Variants in LCOR observed in about 807,000 individuals in gnomAD.
The protein encoded by LCOR is ligand dependent nuclear receptor corepressor.
In LCOR, 14 loss-of-function variants were observed where a neutral mutation model predicts 64.4. The ratio of observed to expected loss-of-function variants is 0.22; its 90% CI spans 0.14 to 0.34. LCOR has a LOEUF of 0.34. Ranked by LOEUF, LCOR falls within the 10% of genes least tolerant of loss-of-function variation. The pLI, the probability that LCOR is intolerant of heterozygous loss-of-function variation, is 1.00. For missense variants in LCOR, 1,686 were observed against 1,765.3 expected, an observed-to-expected ratio of 0.96 and a Z score of 0.80; for synonymous variants, 643 against 642.5, an observed-to-expected ratio of 1.00 and a Z score of -0.01.
rs761907103 is a variant in LCOR at position 96,920,751 on chromosome 10, T to TATATGTAC, written c.-184+13005_-184+13006insTATGTACA. Reference sequence around the variant, plus strand: ...GTTCATATATATGTGTATATATGTATACACACACACACACACACACACACA... The same window carrying TATATGTAC: ...GTTCATATATATGTGTATATATGTATATATGTACACACACACACACACACACACACACA... On this transcript the variant is annotated intron_variant, in intron 4 of 7. Transcript: ENST00000421806. 2.0e-3 allele frequency among the ~76,000 whole-genome samples: 232 copies of TATATGTAC among 118,860 alleles called. 14 individuals are homozygous for TATATGTAC. Among genetic ancestry groups the TATATGTAC allele is most frequent in the African/African-American group, 8.1e-3 (208 of 25,590 alleles). 78.0% of individuals were successfully genotyped at this position (118,860 alleles called of 152,430 possible).
In LCOR at chr10:96,981,589, T is replaced by A; in HGVS notation, c.1129T>A (p.Leu377Met). Residue 377 changes from leucine to methionine, a missense_variant, in exon 8 of 8, where the codon TTG (leucine) becomes ATG (methionine). Coordinates refer to ENST00000421806, the MANE Select transcript of LCOR (RefSeq NM_001346516.2). The stretch of plus-strand genomic sequence containing the variant: ...TACTTTACAGTGTCCAAAAACACCT[T>A]TGCGCCAGGATTTAGAGGCAAATGA... ...ENTLQCPKTP[L>M]RQDLEANEQD... The A allele has an allele frequency of 6.2e-7, 1 of 1,614,230 alleles. No individual in the cohort carries two copies.
chr10:96,833,930 A>G (rs1250873687), intron 2 of LCOR, among the ~76,000 whole-genome samples: 1 of 152,118 alleles, frequency 6.6e-6, no homozygotes, highest in Admixed American at 6.5e-5. Flanking sequence ...GGGGGTGTGG[A>G]GAGGCTCAGT....
At chr10:96,957,537 T>G in intron 7 of LCOR, 1 of 985,382 alleles carries the variant, frequency 1.0e-6, no homozygotes, top group South Asian at 4.7e-5. Flanking sequence ...GTCAGGCCCT[T>G]CTAAATGCTT....
chr10:96,914,218 C>T (rs1039764989), intron 4 of LCOR, among the ~76,000 whole-genome samples: 10 of 152,096 alleles, frequency 6.6e-5, no homozygotes, highest in African/African-American at 1.4e-4. Flanking sequence ...TATTTTGAGA[C>T]GGAGCCTCGC....
At chr10:96,851,069 T>C in intron 2 of LCOR, among the ~76,000 whole-genome samples, 1 of 152,244 alleles carries the variant, frequency 6.6e-6, no homozygotes, top group East Asian at 1.9e-4. Flanking sequence ...AAGGAGTGAA[T>C]TTCTTACCAG....
intron 7 of LCOR, among the ~76,000 whole-genome samples, chr10:96,976,311 G>C (rs539475165): frequency 4.4e-4 from 67 of 152,262 alleles, no homozygotes; most frequent in African/African-American, 1.5e-3. Context: ...CCTTAAGGTT[G>C]GTGTAGCCTG....
rs540928773 is a variant in LCOR, at chr10:96,952,105, G to T, written c.241G>T (p.Gly81Cys). The T allele has an allele frequency of 6.2e-7, 1 of 1,611,174 alleles. No homozygotes were observed. The highest frequency in any genetic ancestry group is 1.3e-5 in the African/African-American group (1 of 74,832). Residue 81 changes from glycine (G) to cysteine (C), a missense_variant and splice_region_variant, in exon 7 of 8, where the codon GGT (glycine) becomes TGT (cysteine). Coordinates refer to ENST00000421806, the MANE Select transcript of LCOR (RefSeq NM_001346516.2). ...KSQSEPSEQD[G>C]VLDLSTKKSP... ...GGTGTTTCTTTGTGTCTCTGCAGACGGTGTACTTGATCTGTCCACTAAGAA... is the reference window on the plus strand; with the variant it reads ...GGTGTTTCTTTGTGTCTCTGCAGACTGTGTACTTGATCTGTCCACTAAGAA...
Position 96,983,120 on chromosome 10 carries a change from G to T in LCOR, c.2660G>T (p.Ser887Ile). 6.2e-7 allele frequency: 1 copy of T among 1,613,692 alleles called. No homozygotes were observed. The highest frequency in any genetic ancestry group is 1.1e-5 in the South Asian group (1 of 91,070). The change falls in exon 8 of 8, where the codon AGT becomes ATT. Residue 887 changes from serine to isoleucine, a missense_variant. Around this residue, in one of 3 missense-constraint regions of LCOR, gnomAD observed 1,293 missense variants for 1,410.4 expected, o/e 0.92. Transcript: ENST00000421806. The surrounding 1 kb of genome is among the most constrained non-coding windows in gnomAD (Gnocchi z 4.5). ...ACTCTGGAGGACACAGAAAAGCCAAGTGTCAATGAACGCCCCTCTGAGAAA... is the reference window on the plus strand; with the variant it reads ...ACTCTGGAGGACACAGAAAAGCCAATTGTCAATGAACGCCCCTCTGAGAAA... ...TETLEDTEKP[S>I]VNERPSEKDA...
intron 2 of LCOR, among the ~76,000 whole-genome samples, chr10:96,856,454 A>C (rs1407176382): frequency 3.6e-3 from 323 of 89,002 alleles, no homozygotes; most frequent in Admixed American, 4.7e-3. Context: ...CTTCTACCCT[A>C]CCTCCCCCCT....
At chr10:96,956,902 G>T (rs1369683658) in intron 7 of LCOR, 1 of 985,098 alleles carries the variant, frequency 1.0e-6, no homozygotes, top group Non-Finnish European at 1.2e-6. Flanking sequence ...CTCTTTATTG[G>T]GGATGGGAGA....
At chr10:96,888,032 G>T (rs1179600242) in intron 2 of LCOR, among the ~76,000 whole-genome samples, 2 of 151,242 alleles carry the variant, frequency 1.3e-5, no homozygotes, top group African/African-American at 2.4e-5. Flanking sequence ...GACAAACTGT[G>T]GTTATTCAGA....
intron 4 of LCOR, among the ~76,000 whole-genome samples, chr10:96,912,607 T>TTTCTTCCTTCCTTCCTTC (rs1554836477): frequency 7.1e-6 from 1 of 140,294 alleles, no homozygotes; most frequent in African/African-American, 2.9e-5. Flanking sequence ...TTTCTTCCTT[T>TTTCTTCCTTCCTTCCTTC]CTTCCTTCCT....
intron 4 of LCOR, among the ~76,000 whole-genome samples, chr10:96,936,795 G>A (rs1046895495): frequency 6.7e-6 from 1 of 149,220 alleles, no homozygotes; most frequent in Non-Finnish European, 1.5e-5. Flanking sequence ...TAAGGGGGAT[G>A]CCTGAAACTA....
At chr10:96,880,507 C>T (rs1271837469) in intron 2 of LCOR, among the ~76,000 whole-genome samples, 5 of 152,188 alleles carry the variant, frequency 3.3e-5, no homozygotes, top group South Asian at 2.1e-4. Context: ...AAGCGATTCT[C>T]GTGCCTTACC....
At chr10:96,907,499 TG>T (rs1283007102) in intron 3 of LCOR, among the ~76,000 whole-genome samples, 168 bp from the exon 4 acceptor site, 1 of 152,186 alleles carries the variant, frequency 6.6e-6, no homozygotes, top group East Asian at 1.9e-4. Context: ...GTATGAATAA[TG>T]TATTAACTAG....
intron 2 of LCOR, among the ~76,000 whole-genome samples, chr10:96,896,346 A>C (rs982578304): frequency 1.1e-4 from 17 of 152,160 alleles, no homozygotes; most frequent in African/African-American, 4.1e-4. Flanking sequence ...GGGGGAAAAT[A>C]TGAGAAATTT....
rs965511186 is a variant in LCOR at position 96,981,745 on chromosome 10, A to T, written c.1285A>T (p.Met429Leu). 1.4e-5 allele frequency: 22 copies of T among 1,614,098 alleles called. No homozygotes were observed. The highest frequency in any genetic ancestry group is 1.6e-5 in the Non-Finnish European group (19 of 1,180,042). ...SKDGWLGPGP[M>L]PAVHKAANGH... ...AGATGGTTGGTTAGGCCCCGGCCCT[A>T]TGCCAGCTGTACACAAAGCGGCAAA... is the stretch of plus-strand genomic sequence containing the variant. Residue 429 changes from methionine (M) to leucine (L), a missense_variant, in exon 8 of 8, where the codon ATG (methionine) becomes TTG (leucine). Around this residue, in one of 3 missense-constraint regions of LCOR, gnomAD observed 1,293 missense variants for 1,410.4 expected, o/e 0.92. Coordinates refer to ENST00000421806, the MANE Select transcript of LCOR (RefSeq NM_001346516.2).
At chr10:96,970,598 CATTTTATTTTATTTTATTTTATTTTATTT>C (rs1249321075) in intron 7 of LCOR, among the ~76,000 whole-genome samples, 35 of 141,096 alleles carry the variant, frequency 2.5e-4, no homozygotes, top group East Asian at 6.0e-4. Flanking sequence ...TCCTAACCAG[CATTTTATTTTATTTTATTTTATTTTATTT>C]ATTTTATTTT....
chr10:96,841,988 A>G (rs1845549221), intron 2 of LCOR, among the ~76,000 whole-genome samples: 1 of 152,034 alleles, frequency 6.6e-6, no homozygotes, highest in African/African-American at 2.4e-5. Context: ...TAAAATCTGA[A>G]TCATTTTATC....
Sources: gnomAD v4.1 joint callset for allele counts (sites outside exome capture counted in the v4.1 genomes callset) on GRCh38, gnomAD v4.1.1 for gene constraint, gnomAD v4.1.1 regional missense constraint, Gnocchi (gnomAD v3.1) non-coding constraint, MANE v1.5 for transcripts, NCBI Gene and HGNC (gene_info 2026-07-23, HGNC 2026-07-21) for gene names.